Variants in CDHR3 observed in about 807,000 individuals in gnomAD.
CDHR3 encodes cadherin-related family member 3.
Under a neutral mutation model 86.6 loss-of-function variants are expected in CDHR3, and 79 were observed. The observed-to-expected ratio is 0.91, with a 90% CI of 0.76 to 1.10. CDHR3 has a LOEUF of 1.10. Ranked by LOEUF, CDHR3 falls within the 50% of genes least tolerant of loss-of-function variation. CDHR3 has a pLI of 0.00. For missense variants in CDHR3, 1,081 were observed against 1,077.6 expected, an observed-to-expected ratio of 1.00 and a Z score of -0.04; for synonymous variants, 421 against 402.4, an observed-to-expected ratio of 1.05 and a Z score of -0.55.
intron 8 of CDHR3, among the ~76,000 whole-genome samples, chr7:106,011,509 A>G (rs747240961): frequency 1.3e-5 from 2 of 152,186 alleles, no homozygotes; most frequent in Non-Finnish European, 2.9e-5. Context: ...TAGACTGTCC[A>G]GCCCCAGCCA....
rs1263235625 is a variant in CDHR3, at chr7:106,035,713, C to A, written c.*3016C>A. 6.6e-6 allele frequency: 1 copy of A among 152,092 alleles called. No individual in the cohort carries two copies. Among genetic ancestry groups the A allele is most frequent in the Non-Finnish European group, 1.5e-5 (1 of 68,016 alleles). 9.4% of individuals were successfully genotyped at this position (152,092 alleles called of 1,614,324 possible). On this transcript the variant is annotated 3_prime_UTR_variant, in exon 19 of 19. Transcript: ENST00000317716. ...GGACCACAATTGGTCTGATTGGTTG[C>A]AGGAAGCAACCAATCAGAGACTGAA...
chr7:106,022,268 T>G lies in CDHR3; in HGVS notation c.1896T>G (p.Ser632=), dbSNP rs1836682955. Residue 632 remains serine, a synonymous_variant, in exon 14 of 19, where the codon TCT becomes TCG. Coordinates refer to ENST00000317716, the MANE Select transcript of CDHR3 (RefSeq NM_152750.5). ...ATGTCACACGCCTGCTGCTTACATCTCGCTTTGACTATGCTGGTGGGTTTG... is the reference window on the plus strand; with the variant it reads ...ATGTCACACGCCTGCTGCTTACATCGCGCTTTGACTATGCTGGTGGGTTTG... The part of the protein sequence containing the change: ...GSNVTRLLLT[S]RFDYAGGFDK... 1 of 1,614,072 alleles carries G rather than the reference T, an allele frequency of 6.2e-7. No individual in the cohort carries two copies. Among genetic ancestry groups the G allele is most frequent in the Non-Finnish European group, 8.5e-7 (1 of 1,179,910 alleles).
chr7:105,984,345 A>G, intron 4 of CDHR3, 56 bp downstream of exon 4: 1 of 1,396,774 alleles, frequency 7.2e-7, no homozygotes, highest in South Asian at 1.3e-5. Context: ...TAGACACAGG[A>G]GCCTGCTGTC....
chr7:106,018,109 A>T, intron 12 of CDHR3, 37 bp downstream of exon 12: 7 of 1,561,682 alleles, frequency 4.5e-6, no homozygotes, highest in Non-Finnish European at 6.2e-6. Context: ...CGGTAACCCA[A>T]CTGGTTGACT....
rs762147165 is a variant in CDHR3 at position 106,012,876 on chromosome 7, A to G, written c.1069A>G (p.Arg357Gly). 14 of 1,605,294 alleles carry G rather than the reference A, an allele frequency of 8.7e-6. No individual in the cohort carries two copies. Among genetic ancestry groups the G allele is most frequent in the African/African-American group, 2.7e-5 (2 of 74,456 alleles). Residue 357 changes from arginine (R) to glycine (G), a missense_variant, in exon 9 of 19, where the codon AGA becomes GGA. By Grantham distance (125) the Arg-to-Gly change is moderately radical. Transcript: ENST00000317716. ...KFTFSIMVPE[R>G]TAKGTLLLDL... ...TTTCACCAGCATTATGGTGCCGGAA[A>G]GAACAGCCAAGGGGACGTTGCTTCT...
chr7:106,004,670 C>T lies in CDHR3; in HGVS notation c.1035C>T (p.Cys345=), dbSNP rs895297056. Reference sequence around the variant, plus strand: ...ACGTCAACGACAATCCTGCCACATGCCAAAAGTTCACCTTCAGGTATGCAC... The same window carrying T: ...ACGTCAACGACAATCCTGCCACATGTCAAAAGTTCACCTTCAGGTATGCAC... The part of the protein sequence containing the change: ...VEDVNDNPAT[C]QKFTFSIMVP... Residue 345 remains cysteine (C), a synonymous_variant, in exon 8 of 19, where the codon TGC becomes TGT. Transcript: ENST00000317716. The T allele has an allele frequency of 6.2e-6, 10 of 1,613,874 alleles. No homozygotes were observed. Among genetic ancestry groups the T allele is most frequent in the Non-Finnish European group, 8.5e-6 (10 of 1,179,894 alleles).
chr7:106,009,066 G>C (rs1834367496), intron 8 of CDHR3, among the ~76,000 whole-genome samples: 1 of 152,202 alleles, frequency 6.6e-6, no homozygotes. Flanking sequence ...AGACTGTCCA[G>C]GCAAGACCAA....
At chr7:105,988,269 G>A (rs1191326332) in intron 4 of CDHR3, among the ~76,000 whole-genome samples, 1 of 152,204 alleles carries the variant, frequency 6.6e-6, no homozygotes, top group African/African-American at 2.4e-5. Flanking sequence ...TTTTAAAAAT[G>A]CAGATTCCTG....
chr7:105,991,689 T>A (rs1831384441), intron 4 of CDHR3, among the ~76,000 whole-genome samples: 1 of 152,202 alleles, frequency 6.6e-6, no homozygotes, highest in African/African-American at 2.4e-5. Context: ...CTTACTAAGA[T>A]GGGAAATGAA....
rs1461623121 is a variant in CDHR3, at chr7:106,035,011, A to G, written c.*2314A>G. Among the ~76,000 whole-genome samples the G allele has an allele frequency of 6.6e-6, 1 of 151,916 alleles. No individual in the cohort carries two copies. Among genetic ancestry groups the G allele is most frequent in the Non-Finnish European group, 1.5e-5 (1 of 67,966 alleles). ...AGAGAATCGCTTGAACCCAGGAGGC[A>G]GAAGTTGCAGTGGGCTGAGATTGCG... On this transcript the variant is annotated 3_prime_UTR_variant, in exon 19 of 19. Transcript: ENST00000317716.
chr7:106,022,746 G>A (rs1563302163), intron 14 of CDHR3, among the ~76,000 whole-genome samples: 4 of 152,198 alleles, frequency 2.6e-5, no homozygotes, highest in Admixed American at 6.5e-5. Flanking sequence ...TGTGGCTTGT[G>A]GCACAGGAGC....
At chr7:105,974,435 C>A (rs183958870) in intron 1 of CDHR3, among the ~76,000 whole-genome samples, 89 of 152,310 alleles carry the variant, frequency 5.8e-4, no homozygotes, top group Non-Finnish European at 2.9e-5. Flanking sequence ...AGAAGGAAAA[C>A]AAACTCTTGT....
intron 4 of CDHR3, among the ~76,000 whole-genome samples, chr7:105,989,261 C>T (rs1374350184): frequency 1.9e-4 from 27 of 142,768 alleles, no homozygotes; most frequent in Admixed American, 7.0e-5. Context: ...TCTTTGAGAC[C>T]ACCCTCCTCC....
chr7:106,012,528 G>C (rs972296282), intron 8 of CDHR3, among the ~76,000 whole-genome samples: 2 of 152,092 alleles, frequency 1.3e-5, no homozygotes, highest in African/African-American at 2.4e-5. Context: ...AGTGGGAGAC[G>C]AGTTCAGAGA....
intron 7 of CDHR3, among the ~76,000 whole-genome samples, chr7:106,003,865 G>A (rs1039462670): frequency 1.3e-5 from 2 of 151,194 alleles, no homozygotes; most frequent in Non-Finnish European, 2.9e-5. Context: ...TGAGAATTCT[G>A]TTCACTCTAG....
chr7:106,030,972 C>A lies in CDHR3; in HGVS notation c.2353+132C>A. Reference sequence around the variant, plus strand: ...GTTTGGCTATGTTGCCTATATAGTGCTGACTCTTCTAGGCTAAATACAACG... The same window carrying A: ...GTTTGGCTATGTTGCCTATATAGTGATGACTCTTCTAGGCTAAATACAACG... On this transcript the variant is annotated intron_variant, in intron 18 of 18. Transcript: ENST00000317716. The surrounding 1 kb of genome is among the most constrained non-coding windows in gnomAD (Gnocchi z 4.8). 3 of 826,894 alleles carry A rather than the reference C, an allele frequency of 3.6e-6. No homozygotes were observed. Among genetic ancestry groups the A allele is most frequent in the Non-Finnish European group, 5.9e-6 (3 of 508,844 alleles). 51.2% of individuals were successfully genotyped at this position (826,894 alleles called of 1,614,324 possible).
chr7:106,032,829 G>A lies in CDHR3; in HGVS notation c.*132G>A, dbSNP rs189634418. On this transcript the variant is annotated 3_prime_UTR_variant, in exon 19 of 19. Coordinates refer to ENST00000317716, the MANE Select transcript of CDHR3 (RefSeq NM_152750.5). ...TTCAGACATCCAGGGTCAAACATGGGATGTTTGACAAATTTTTAAACAAAT... is the reference window on the plus strand; with the variant it reads ...TTCAGACATCCAGGGTCAAACATGGAATGTTTGACAAATTTTTAAACAAAT... The A allele has an allele frequency of 8.9e-4, 787 of 889,196 alleles. 5 individuals carry two copies. The African/African-American group carries it at 0.012, about 14-fold the overall frequency. The allele number at this position is 889,196 out of a possible 1,614,324, so 55.1% of individuals were successfully genotyped here. A position where few individuals can be genotyped will look rare whatever the true frequency, so the allele number is the denominator to read the frequency against.
chr7:105,971,603 T>C (rs1162834798), intron 1 of CDHR3, among the ~76,000 whole-genome samples: 4 of 152,186 alleles, frequency 2.6e-5, no homozygotes, highest in African/African-American at 9.7e-5. Context: ...ATCAAAGTTA[T>C]GATCAATTCA....
In CDHR3 at chr7:106,020,579, C is replaced by G. The variant is rs1239243627; in HGVS notation, c.1825+35C>G. ...TTGGTGTCGACAATCCTGGCCCTGT[C>G]TCTGAGGACCCTGAAGTTGTCTAGG... is the stretch of plus-strand genomic sequence containing the variant. On this transcript the variant is annotated intron_variant, in intron 13 of 18. Transcript: ENST00000317716. 3.1e-6 allele frequency: 5 copies of G among 1,589,276 alleles called. No individual in the cohort carries two copies. In the African/African-American group the frequency reaches 4.0e-5, roughly 13 times the overall value.
Sources: allele counts gnomAD v4.1 joint callset (sites outside exome capture counted in the v4.1 genomes callset), GRCh38; gene constraint gnomAD v4.1.1; non-coding constraint Gnocchi (gnomAD v3.1); transcripts MANE v1.5; gene names NCBI Gene and HGNC (gene_info 2026-07-23, HGNC 2026-07-21).